AATF: variants seen among roughly 807,000 people sequenced by gnomAD.
The protein encoded by AATF is protein AATF.
A neutral mutation model predicts 63.7 loss-of-function variants in AATF; 48 were observed. That is an observed-to-expected ratio of 0.75 (90% CI 0.60 to 0.96). The LOEUF is 0.96. Among genes scored for constraint, AATF ranks in the 40% least tolerant of loss-of-function variants. AATF has a pLI of 0.00. For synonymous variants in AATF, 258 were observed against 247.7 expected, an observed-to-expected ratio of 1.04 and a Z score of -0.39; for missense variants, 639 against 685.7, an observed-to-expected ratio of 0.93 and a Z score of 0.76.
chr17:36,965,294 T>G (rs2070982611), intron 4 of AATF, among the ~76,000 whole-genome samples: 1 of 152,120 alleles, frequency 6.6e-6, no homozygotes, highest in African/African-American at 2.4e-5. Flanking sequence ...TTTTCCAGCT[T>G]TTATAGGCGG....
intron 4 of AATF, among the ~76,000 whole-genome samples, chr17:36,957,030 G>A (rs1181907527): frequency 1.3e-5 from 2 of 152,056 alleles, no homozygotes; most frequent in African/African-American, 4.8e-5. Flanking sequence ...TACTCTGGAT[G>A]ACCAATTTAT....
At chr17:37,031,868 A>C in intron 11 of AATF, among the ~76,000 whole-genome samples, 183 bp downstream of exon 11, 1 of 152,124 alleles carries the variant, frequency 6.6e-6, no homozygotes, top group East Asian at 1.9e-4. Flanking sequence ...ACTTGCATAA[A>C]TTTCAGTGCT....
At chr17:36,974,193 G>T (rs559958054) in intron 4 of AATF, among the ~76,000 whole-genome samples, 1 of 152,138 alleles carries the variant, frequency 6.6e-6, no homozygotes, top group South Asian at 2.1e-4. Flanking sequence ...ATCTTTTCTA[G>T]GTTTTTCTTC....
chr17:37,024,172 G>A (rs966065182), intron 10 of AATF, among the ~76,000 whole-genome samples: 4 of 152,194 alleles, frequency 2.6e-5, no homozygotes, highest in South Asian at 2.1e-4. Flanking sequence ...GACCCTAGCC[G>A]ACTGAGGTGC....
rs144517278 is a variant in AATF, at chr17:36,966,682, T to C, written c.832+12775T>C. Among the ~76,000 whole-genome samples, 11 of 152,318 alleles carry C rather than the reference T, an allele frequency of 7.2e-5. No individual in the cohort carries two copies. The East Asian group carries it at 7.7e-4, about 11-fold the overall frequency. On this transcript the variant is annotated intron_variant, in intron 4 of 11. Coordinates refer to ENST00000619387, the MANE Select transcript of AATF (RefSeq NM_012138.4). The stretch of plus-strand genomic sequence containing the variant: ...GGATGTAAATTTAAAGTTTTGTTGT[T>C]GTTGTGGTAAAGTCATTTTAATTCC...
At chr17:36,983,891 C>T (rs2071146986) in intron 4 of AATF, among the ~76,000 whole-genome samples, 1 of 152,142 alleles carries the variant, frequency 6.6e-6, no homozygotes, top group African/African-American at 2.4e-5. Context: ...AGTTATTGGA[C>T]CATTGAGTTC....
intron 4 of AATF, among the ~76,000 whole-genome samples, chr17:36,969,259 G>A (rs1017662438): frequency 1.3e-5 from 2 of 152,136 alleles, no homozygotes; most frequent in African/African-American, 4.8e-5. Context: ...TTTCCTGCCT[G>A]GTGGCCAACA....
At chr17:36,986,936 G>A (rs1016648348) in intron 5 of AATF, among the ~76,000 whole-genome samples, 11 of 152,198 alleles carry the variant, frequency 7.2e-5, no homozygotes, top group Non-Finnish European at 8.8e-5. Context: ...TGTGCTTTGC[G>A]GTCTTAGACA....
chr17:36,953,407 T>TAGTAAG, intron 3 of AATF, 111 bp downstream of exon 3: 1 of 1,500,466 alleles, frequency 6.7e-7, no homozygotes. Flanking sequence ...TTCAATTAGT[T>TAGTAAG]TGTGACATGC....
chr17:37,037,430 A>G (rs2071602548), intron 11 of AATF, among the ~76,000 whole-genome samples: 1 of 152,168 alleles, frequency 6.6e-6, no homozygotes. Context: ...CTCTAAGCAT[A>G]TTATCACCAG....
At chr17:36,962,672 A>T (rs539075140) in intron 4 of AATF, among the ~76,000 whole-genome samples, 1 of 152,314 alleles carries the variant, frequency 6.6e-6, no homozygotes, top group South Asian at 2.1e-4. Flanking sequence ...GAGTTAGATA[A>T]GAAAGTAGCC....
chr17:37,017,253 G>A (rs1388862378), intron 8 of AATF, among the ~76,000 whole-genome samples: 2 of 152,188 alleles, frequency 1.3e-5, no homozygotes, highest in Non-Finnish European at 2.9e-5. Flanking sequence ...TGGCTGGAAC[G>A]AGGTAAGGGC....
intron 8 of AATF, among the ~76,000 whole-genome samples, chr17:36,994,298 A>C (rs2071237828): frequency 6.6e-6 from 1 of 152,230 alleles, no homozygotes; most frequent in Admixed American, 6.5e-5. Context: ...TTCACTTTGT[A>C]AATAAATAAG....
At chr17:37,011,862 AGTT>A (rs2071393934) in intron 8 of AATF, among the ~76,000 whole-genome samples, 1 of 152,110 alleles carries the variant, frequency 6.6e-6, no homozygotes, top group Non-Finnish European at 1.5e-5. Flanking sequence ...TAGGTGGTGG[AGTT>A]GTTGGTTCGG....
intron 8 of AATF, among the ~76,000 whole-genome samples, chr17:37,008,342 AG>A (rs1211795387): frequency 3.3e-5 from 5 of 152,248 alleles, no homozygotes; most frequent in African/African-American, 1.2e-4. Flanking sequence ...AGGGAGCTCA[AG>A]GAACTTGTCT....
intron 4 of AATF, among the ~76,000 whole-genome samples, chr17:36,977,423 A>C (rs2071087330): frequency 6.6e-6 from 1 of 151,958 alleles, no homozygotes; most frequent in South Asian, 2.1e-4. Flanking sequence ...GACCCATACT[A>C]TAGAGAGAAT....
At position 36,950,064 on chromosome 17, in the gene AATF, A is replaced by T. The variant is rs532208770; in HGVS notation, c.92-150A>T. On this transcript the variant is annotated intron_variant, in intron 1 of 11. Transcript: ENST00000619387. ...AGAAACAGCAGTAAGACAGTGTTCT[A>T]CTTTGGGAGAGAGTGAATTTCCTAT... The T allele has an allele frequency of 2.6e-3, 2,132 of 830,686 alleles. 6 individuals carry two copies. The highest frequency in any genetic ancestry group is 3.3e-3 in the Non-Finnish European group (1,713 of 519,912). 51.5% of individuals were successfully genotyped at this position (830,686 alleles called of 1,614,324 possible).
At chr17:36,992,613 A>AT in intron 8 of AATF, among the ~76,000 whole-genome samples, 2 of 136,162 alleles carry the variant, frequency 1.5e-5, no homozygotes, top group South Asian at 2.2e-4. Flanking sequence ...CCTTAGTCTG[A>AT]ATTTTTTTTT....
chr17:37,018,100 CTGTTT>C (rs2071441292), intron 8 of AATF, among the ~76,000 whole-genome samples: 1 of 152,222 alleles, frequency 6.6e-6, no homozygotes, highest in Non-Finnish European at 1.5e-5. Flanking sequence ...ATTTTAATCT[CTGTTT>C]CTCTTTCTCT....
Sources: gnomAD v4.1 joint callset for allele counts (sites outside exome capture counted in the v4.1 genomes callset) on GRCh38, gnomAD v4.1.1 for gene constraint, MANE v1.5 for transcripts, NCBI Gene and HGNC (gene_info 2026-07-23, HGNC 2026-07-21) for gene names.